The following OR4K2 variants were observed in gnomAD, a reference collection of about 807,000 sequenced individuals.
OR4K2 encodes olfactory receptor 4K2.
A neutral mutation model predicts 10.5 loss-of-function variants in OR4K2; 8 were observed. That is an observed-to-expected ratio of 0.76 (90% confidence interval 0.45 to 1.37). OR4K2 has a LOEUF of 1.37. OR4K2 is among the 40% of genes most tolerant of loss of function. The probability of loss-of-function intolerance (pLI) is 0.00; values close to 1 mark genes in which losing one functional copy is unlikely to be tolerated. For synonymous variants in OR4K2, 178 were observed against 133.6 expected (o/e 1.33, Z -2.29); for missense variants, 547 against 379.5 (o/e 1.44, Z -3.67).
Position 19,876,992 on chromosome 14 carries a change from C to A in OR4K2, c.725C>A (p.Ala242Asp). The change falls in exon 2 of 2, where the codon GCT becomes GAT. Residue 242 changes from alanine to aspartate, a missense_variant. Physicochemically the swap from Ala to Asp is moderately radical, Grantham distance 126. Transcript: ENST00000641885. ...TCTAAGGCCCTTTCTACTTGTACAGCTCATTTCATTGTTGTCTTCTTGTTC... is the reference window on the plus strand; with the variant it reads ...TCTAAGGCCCTTTCTACTTGTACAGATCATTTCATTGTTGTCTTCTTGTTC... ...GSSKALSTCT[A>D]HFIVVFLFFG... 6.2e-7 allele frequency: 1 copy of A among 1,613,934 alleles called. No individual in the cohort carries two copies. The highest frequency in any genetic ancestry group is 8.5e-7 in the Non-Finnish European group (1 of 1,179,954).
chr14:19,875,575 G>T lies in OR4K2; in HGVS notation c.-583G>T, dbSNP rs1880873391. On this transcript the variant is annotated 5_prime_UTR_variant, in exon 1 of 2. In the 5' UTR this introduces an upstream ATG that the reference lacks. Coordinates refer to ENST00000641885, the MANE Select transcript of OR4K2 (RefSeq NM_001005501.2). ...CAGTCATATTTTAATTAAAAAGAAA[G>T]GACCAAAAGAAGTTAAATGCCTTTC... The T allele has an allele frequency of 6.6e-6, 1 of 152,184 alleles. No individual in the cohort carries two copies. The highest frequency in any genetic ancestry group is 2.4e-5 in the African/African-American group (1 of 41,446). 9.4% of individuals were successfully genotyped at this position (152,184 alleles called of 1,614,324 possible).
In OR4K2 at chr14:19,881,905, CT is replaced by C. The variant is rs377667042; in HGVS notation, c.*4695del. On this transcript the variant is annotated 3_prime_UTR_variant, in exon 2 of 2. Coordinates refer to ENST00000641885, the MANE Select transcript of OR4K2 (RefSeq NM_001005501.2). Reference sequence around the variant, plus strand: ...AATATATTTATATCAATTTTTTCTTCTTGTTTGAGTGTACTTATATTGGTTG... The same window carrying C: ...AATATATTTATATCAATTTTTTCTTCTGTTTGAGTGTACTTATATTGGTTG... 27 of 151,538 alleles carry C rather than the reference CT, an allele frequency of 1.8e-4. No individual in the cohort carries two copies. The East Asian group carries it at 2.1e-3, about 12-fold the overall frequency. 9.4% of individuals were successfully genotyped at this position (151,538 alleles called of 1,614,324 possible).
rs1881072304 is a variant in OR4K2, at chr14:19,882,844, T to TC, written c.*5632_*5633insC. The TC allele has an allele frequency of 6.6e-6, 1 of 151,570 alleles. No homozygotes were observed. The highest frequency in any genetic ancestry group is 1.5e-5 in the Non-Finnish European group (1 of 68,726). 9.4% of individuals were successfully genotyped at this position (151,570 alleles called of 1,614,324 possible). On this transcript the variant is annotated 3_prime_UTR_variant, in exon 2 of 2. Transcript: ENST00000641885. The stretch of plus-strand genomic sequence containing the variant: ...TTTTTTTTTTCTTTTTTTTTTTTTT[T>TC]TGAGACGGAGTCTTGCTCTGTCGCC...
Position 19,883,685 on chromosome 14 carries a change from G to A in OR4K2, c.*6473G>A, listed in dbSNP as rs1308990239. 1.3e-5 allele frequency: 2 copies of A among 152,146 alleles called. No homozygotes were observed. Among genetic ancestry groups the A allele is most frequent in the African/African-American group, 4.8e-5 (2 of 41,450 alleles). The allele number at this position is 152,146 out of a possible 1,614,324, so 9.4% of individuals were successfully genotyped here. A position where few individuals can be genotyped will look rare whatever the true frequency, so the allele number is the denominator to read the frequency against. On this transcript the variant is annotated 3_prime_UTR_variant, in exon 2 of 2. Transcript: ENST00000641885. ...TATTGCACTCAAGAGATTTTAAAAC[G>A]TTTAAATTTCTAAATTTCCTTTAAG...
Position 19,882,823 on chromosome 14 carries a change from T to G in OR4K2, c.*5611T>G, listed in dbSNP as rs1881069904. ...TATAATTTATCTTTCTTTTTCTTTTTTTTTTCTTTTTTTTTTTTTTTTGAG... is the reference window on the plus strand; with the variant it reads ...TATAATTTATCTTTCTTTTTCTTTTGTTTTTCTTTTTTTTTTTTTTTTGAG... On this transcript the variant is annotated 3_prime_UTR_variant, in exon 2 of 2. Transcript: ENST00000641885. The G allele has an allele frequency of 2.4e-5, 3 of 122,970 alleles. No homozygotes were observed. The highest frequency in any genetic ancestry group is 8.9e-5 in the Admixed American group (1 of 11,194). 7.6% of individuals were successfully genotyped at this position (122,970 alleles called of 1,614,324 possible).
Position 19,876,491 on chromosome 14 carries a change from C to T in OR4K2, c.224C>T (p.Ser75Phe), listed in dbSNP as rs756591343. ...NLSIIDMSLA[S>F]FATPKMITDY... The stretch of plus-strand genomic sequence containing the variant: ...TCAATCATTGATATGTCTCTTGCTT[C>T]TTTCGCCACCCCAAAGATGATTACA... The change falls in exon 2 of 2, where the codon TCT (serine) becomes TTT (phenylalanine). Residue 75 changes from serine (S) to phenylalanine (F), a missense_variant. Transcript: ENST00000641885. The T allele has an allele frequency of 3.7e-6, 6 of 1,614,016 alleles. No individual in the cohort carries two copies. Among genetic ancestry groups the T allele is most frequent in the Non-Finnish European group, 5.1e-6 (6 of 1,180,000 alleles).
Position 19,876,385 on chromosome 14 carries a change from G to A in OR4K2, c.118G>A (p.Val40Met). ...TTCATTGCTTTATGTGGCAACAATGGTGGGTAACAGCCTCATAGTCATCAC... is the reference window on the plus strand; with the variant it reads ...TTCATTGCTTTATGTGGCAACAATGATGGGTAACAGCCTCATAGTCATCAC... ...VFSLLYVATM[V>M]GNSLIVITVI... The change falls in exon 2 of 2, where the codon GTG becomes ATG. Residue 40 changes from valine (V) to methionine (M), a missense_variant. Coordinates refer to ENST00000641885, the MANE Select transcript of OR4K2 (RefSeq NM_001005501.2). 4 of 1,614,020 alleles carry A rather than the reference G, an allele frequency of 2.5e-6. No homozygotes were observed. The highest frequency in any genetic ancestry group is 3.4e-6 in the Non-Finnish European group (4 of 1,179,902).
rs1468375502 is a variant in OR4K2 at position 19,880,559 on chromosome 14, G to A, written c.*3347G>A. The A allele has an allele frequency of 6.6e-6, 1 of 152,206 alleles. No individual in the cohort carries two copies. Among genetic ancestry groups the A allele is most frequent in the Non-Finnish European group, 1.5e-5 (1 of 68,028 alleles). The allele number at this position is 152,206 out of a possible 1,614,324, so 9.4% of individuals were successfully genotyped here. ...TCATTTATATGTTTTAAATATTCAT[G>A]TCTGTATATGTGTGTCAGTATTAAT... On this transcript the variant is annotated 3_prime_UTR_variant, in exon 2 of 2. Transcript: ENST00000641885.
chr14:19,877,868 G>C lies in OR4K2; in HGVS notation c.*656G>C, dbSNP rs1178726312. 1 of 152,358 alleles carries C rather than the reference G, an allele frequency of 6.6e-6. No individual in the cohort carries two copies. Among genetic ancestry groups the C allele is most frequent in the Non-Finnish European group, 1.5e-5 (1 of 68,144 alleles). 9.4% of individuals were successfully genotyped at this position (152,358 alleles called of 1,614,324 possible). On this transcript the variant is annotated 3_prime_UTR_variant, in exon 2 of 2. Transcript: ENST00000641885. Reference sequence around the variant, plus strand: ...TCTTTCTGATAATGCGGAATGAGTAGGGAGGCTGGAGAATTCTGCAAATCA... The same window carrying C: ...TCTTTCTGATAATGCGGAATGAGTACGGAGGCTGGAGAATTCTGCAAATCA...
chr14:19,880,336 T>A lies in OR4K2; in HGVS notation c.*3124T>A, dbSNP rs930179315. 6.6e-6 allele frequency: 1 copy of A among 152,248 alleles called. No homozygotes were observed. The highest frequency in any genetic ancestry group is 1.5e-5 in the Non-Finnish European group (1 of 68,042). The allele number at this position is 152,248 out of a possible 1,614,324, so 9.4% of individuals were successfully genotyped here. On this transcript the variant is annotated 3_prime_UTR_variant, in exon 2 of 2. Transcript: ENST00000641885. The stretch of plus-strand genomic sequence containing the variant: ...ACCTCTTAGCCTCAGTTTCTACATA[T>A]GTTAAAGGAGATAATAGTGGTCTCT...
intron 1 of OR4K2, 43 bp downstream of exon 1, chr14:19,876,177 G>T: frequency 9.4e-7 from 1 of 1,066,922 alleles, no homozygotes; most frequent in African/African-American, 1.6e-5. Context: ...GTAGATAATT[G>T]GAAATGAATC....
rs1400015431 is a variant in OR4K2, at chr14:19,877,659, T to C, written c.*447T>C. The C allele has an allele frequency of 6.4e-6, 1 of 155,740 alleles. No individual in the cohort carries two copies. The highest frequency in any genetic ancestry group is 1.4e-5 in the Non-Finnish European group (1 of 70,516). The allele number at this position is 155,740 out of a possible 1,614,324, so 9.6% of individuals were successfully genotyped here. A position where few individuals can be genotyped will look rare whatever the true frequency, so the allele number is the denominator to read the frequency against. ...TAGCCTCTGACAGAGAAGCAATGAT[T>C]TTCCACATACGTTCCCAAGCCACTC... On this transcript the variant is annotated 3_prime_UTR_variant, in exon 2 of 2. Transcript: ENST00000641885.
In OR4K2 at chr14:19,876,233, TTCGTG is replaced by T; in HGVS notation, c.-23-11_-23-7del. 4 of 986,172 alleles carry T rather than the reference TTCGTG, an allele frequency of 4.1e-6. No homozygotes were observed. Among genetic ancestry groups the T allele is most frequent in the South Asian group, 2.6e-5 (1 of 37,816 alleles). 61.1% of individuals were successfully genotyped at this position (986,172 alleles called of 1,614,324 possible). A position where few individuals can be genotyped will look rare whatever the true frequency, so the allele number is the denominator to read the frequency against. On this transcript the variant is annotated splice_polypyrimidine_tract_variant and splice_region_variant and intron_variant, in intron 1 of 1. Coordinates refer to ENST00000641885, the MANE Select transcript of OR4K2 (RefSeq NM_001005501.2). ...ACTTTCCTTTTTTTTTTTTTTTTTT[TTCGTG>T]ATACAGGCTTCTGCCTATGAATCAA...
chr14:19,875,838 C>T lies in OR4K2; in HGVS notation c.-320C>T. ...TATATGTTTTCATCAGTAAGGATAT[C>T]TTTATGGACAAATTCCAAATGACTA... On this transcript the variant is annotated 5_prime_UTR_variant, in exon 1 of 2. Transcript: ENST00000641885. 1 of 166,518 alleles carries T rather than the reference C, an allele frequency of 6.0e-6. No homozygotes were observed. Among genetic ancestry groups the T allele is most frequent in the Non-Finnish European group, 1.3e-5 (1 of 77,650 alleles). 10.3% of individuals were successfully genotyped at this position (166,518 alleles called of 1,614,324 possible).
chr14:19,883,018 G>C lies in OR4K2; in HGVS notation c.*5806G>C, dbSNP rs1020226514. 1 of 152,556 alleles carries C rather than the reference G, an allele frequency of 6.6e-6. No homozygotes were observed. Among genetic ancestry groups the C allele is most frequent in the Admixed American group, 6.5e-5 (1 of 15,292 alleles). The allele number at this position is 152,556 out of a possible 1,614,324, so 9.5% of individuals were successfully genotyped here. ...AATTTTTTGTATTTTTAGTAGAGAA[G>C]GGGTTATAATTTATCTTTTGAAAAA... On this transcript the variant is annotated 3_prime_UTR_variant, in exon 2 of 2. Transcript: ENST00000641885.
rs777043672 is a variant in OR4K2, at chr14:19,876,955, T to C, written c.688T>C (p.Ser230Pro). 1.2e-6 allele frequency: 2 copies of C among 1,614,094 alleles called. No homozygotes were observed. The highest frequency in any genetic ancestry group is 3.3e-5 in the Admixed American group (2 of 60,020). Residue 230 changes from serine (S) to proline (P), a missense_variant, in exon 2 of 2, where the codon TCC becomes CCC. Coordinates refer to ENST00000641885, the MANE Select transcript of OR4K2 (RefSeq NM_001005501.2). ...CCTGGTTACTGTGAAGCATCATTCTTCCAGAGGATCATCTAAGGCCCTTTC... is the reference window on the plus strand; with the variant it reads ...CCTGGTTACTGTGAAGCATCATTCTCCCAGAGGATCATCTAAGGCCCTTTC... ...IVLVTVKHHS[S>P]RGSSKALSTC...
In OR4K2 at chr14:19,875,966, A is replaced by G. The variant is rs1174721310; in HGVS notation, c.-192A>G. On this transcript the variant is annotated 5_prime_UTR_variant, in exon 1 of 2. The change abolishes an upstream ATG in the 5' untranslated region. Transcript: ENST00000641885. ...TGAATAGATGGACAAATAGGTAGGTATGTCTGTTCAGAATGATATTATCTT... is the reference window on the plus strand; with the variant it reads ...TGAATAGATGGACAAATAGGTAGGTGTGTCTGTTCAGAATGATATTATCTT... 5.9e-6 allele frequency: 2 copies of G among 340,432 alleles called. No individual in the cohort carries two copies. Among genetic ancestry groups the G allele is most frequent in the Admixed American group, 4.6e-5 (1 of 21,938 alleles). The allele number at this position is 340,432 out of a possible 1,614,324, so 21.1% of individuals were successfully genotyped here.
rs1594429608 is a variant in OR4K2, at chr14:19,881,754, A to C, written c.*4542A>C. ...ACTGTACTAGGAATCTGAAGCCATC[A>C]ACAAAAGCCAGATTTTTCTCCCTTT... On this transcript the variant is annotated 3_prime_UTR_variant, in exon 2 of 2. Transcript: ENST00000641885. 6.6e-6 allele frequency: 1 copy of C among 152,082 alleles called. No homozygotes were observed. Among genetic ancestry groups the C allele is most frequent in the Non-Finnish European group, 1.5e-5 (1 of 68,028 alleles). 9.4% of individuals were successfully genotyped at this position (152,082 alleles called of 1,614,324 possible). A position where few individuals can be genotyped will look rare whatever the true frequency, so the allele number is the denominator to read the frequency against.
At position 19,878,845 on chromosome 14, in the gene OR4K2, A is replaced by G. The variant is rs1289953178; in HGVS notation, c.*1633A>G. 2 of 152,246 alleles carry G rather than the reference A, an allele frequency of 1.3e-5. No individual in the cohort carries two copies. The highest frequency in any genetic ancestry group is 2.9e-5 in the Non-Finnish European group (2 of 68,038). The allele number at this position is 152,246 out of a possible 1,614,324, so 9.4% of individuals were successfully genotyped here. Reference sequence around the variant, plus strand: ...CTTGGTTGCAGTTATATGTACAAATATGTTCATATTCAAGGACTTCGTTTA... The same window carrying G: ...CTTGGTTGCAGTTATATGTACAAATGTGTTCATATTCAAGGACTTCGTTTA... On this transcript the variant is annotated 3_prime_UTR_variant, in exon 2 of 2. Transcript: ENST00000641885.
Sources: allele counts gnomAD v4.1 joint callset, GRCh38; gene constraint gnomAD v4.1.1; transcripts MANE v1.5; gene names NCBI Gene and HGNC (gene_info 2026-07-23, HGNC 2026-07-21).